DPH6: variants seen among roughly 807,000 people sequenced by gnomAD.
DPH6 encodes diphthine--ammonia ligase.
In DPH6, 33 loss-of-function variants were observed where a neutral mutation model predicts 38.2. The observed-to-expected ratio is 0.86, with a 90% CI of 0.65 to 1.15. The LOEUF (loss-of-function observed/expected upper bound fraction) is 1.15. Ranked by LOEUF, DPH6 falls within the 50% of genes most tolerant of loss-of-function variation. DPH6 has a pLI of 0.00. For synonymous variants in DPH6, 108 were observed against 103.0 expected (o/e 1.05, Z -0.30); for missense variants, 325 against 320.0 (o/e 1.02, Z -0.12).
intron 3 of DPH6, among the ~76,000 whole-genome samples, chr15:35,224,100 GTTTTTTTTTT>G (rs142813866): frequency 7.9e-5 from 7 of 88,890 alleles, no homozygotes; most frequent in African/African-American, 2.8e-4. Flanking sequence ...CATGATTTTA[GTTTTTTTTTT>G]TTTTTTTTTT....
chr15:35,192,926 T>A, the DPH6 span, among the ~76,000 whole-genome samples: 2 of 152,122 alleles, frequency 1.3e-5, no homozygotes, highest in African/African-American at 4.8e-5. Flanking sequence ...AAACTGCCAA[T>A]CTTGGAAGGG....
intron 3 of DPH6, among the ~76,000 whole-genome samples, chr15:35,321,950 G>C (rs1028236307): frequency 1.3e-5 from 2 of 152,096 alleles, no homozygotes; most frequent in Non-Finnish European, 2.9e-5. Context: ...CAGGGGTTAG[G>C]GTTTTTATGG....
In DPH6 at chr15:35,454,797, T is replaced by C. The variant is rs751794681; in HGVS notation, c.336A>G (p.Ile112Met). ...AGTCAGAAAGTATAGCACCTACTGA[T>C]ATCCCCTCTACTTCTTCTTTTTCCT... ...LVKEKEEVEG[I>M]SVGAILSDYQ... is the part of the protein sequence containing the mutation. The change falls in exon 4 of 9, where the codon ATA (isoleucine) becomes ATG (methionine). Residue 112 changes from isoleucine to methionine, a missense_variant. Transcript: ENST00000256538. The C allele has an allele frequency of 5.0e-6, 8 of 1,607,102 alleles. No individual in the cohort carries two copies. Among genetic ancestry groups the C allele is most frequent in the Admixed American group, 1.7e-5 (1 of 58,922 alleles).
chr15:35,493,290 G>T (rs1204973673), intron 3 of DPH6, among the ~76,000 whole-genome samples: 2 of 152,076 alleles, frequency 1.3e-5, no homozygotes, highest in African/African-American at 2.4e-5. Context: ...ACCCACAAAA[G>T]AATTATACTT....
the DPH6 span, among the ~76,000 whole-genome samples, chr15:35,146,194 C>T: frequency 4.6e-5 from 7 of 151,566 alleles, no homozygotes; most frequent in Middle Eastern, 3.4e-3. Flanking sequence ...TTGAAAGTAA[C>T]GTTACTTTTA....
chr15:35,364,776 T>C (rs1447767227), intron 3 of DPH6, among the ~76,000 whole-genome samples: 1 of 152,034 alleles, frequency 6.6e-6, no homozygotes, highest in Non-Finnish European at 1.5e-5. Flanking sequence ...TGTTTGGGGT[T>C]CATAAGACTT....
the DPH6 span, among the ~76,000 whole-genome samples, chr15:35,166,954 G>A: frequency 6.7e-4 from 102 of 152,100 alleles, no homozygotes; most frequent in African/African-American, 2.3e-3. Context: ...GGAAGGCTCT[G>A]ATTAAAGAAG....
intron 3 of DPH6, among the ~76,000 whole-genome samples, chr15:35,463,378 T>TG (rs5811857): frequency 2.0e-3 from 14 of 7,008 alleles, no homozygotes; most frequent in African/African-American, 7.3e-3. Flanking sequence ...GTGCACAAGT[T>TG]ATATAAATAT....
intron 3 of DPH6, among the ~76,000 whole-genome samples, chr15:35,247,925 C>G (rs2051647148): frequency 1.3e-5 from 2 of 152,196 alleles, no homozygotes; most frequent in East Asian, 3.9e-4. Flanking sequence ...AGCCTGGAAC[C>G]CTGATTAACT....
Position 35,516,905 on chromosome 15 carries a change from T to A in DPH6, c.312+21369A>T, listed in dbSNP as rs746337083. ...ATTTGTAAGCAGTACTACTACTGAC[T>A]CCTCCCAAATTTTGCTTGTGGTTCC... On this transcript the variant is annotated intron_variant, in intron 3 of 8. Transcript: ENST00000256538. Among the ~76,000 whole-genome samples the A allele has an allele frequency of 2.6e-4, 39 of 152,140 alleles. 1 individual carries two copies. The highest frequency in any genetic ancestry group is 1.0e-4 in the Non-Finnish European group (7 of 68,002).
chr15:35,311,452 TTC>T (rs1422189197), intron 3 of DPH6, among the ~76,000 whole-genome samples: 4 of 152,166 alleles, frequency 2.6e-5, no homozygotes, highest in African/African-American at 4.8e-5. Context: ...ACAAAAAAAT[TTC>T]TGTCTTCAAA....
At chr15:35,421,625 T>C (rs1290307626) in intron 5 of DPH6, among the ~76,000 whole-genome samples, 1 of 152,170 alleles carries the variant, frequency 6.6e-6, no homozygotes, top group East Asian at 1.9e-4. Context: ...ATCTTTCTTA[T>C]CAGTTTTCAA....
chr15:35,426,296 A>C (rs2053570408), intron 5 of DPH6, among the ~76,000 whole-genome samples: 1 of 151,796 alleles, frequency 6.6e-6, no homozygotes, highest in African/African-American at 2.4e-5. Context: ...AAGCACATTA[A>C]GTAACCTTTT....
At chr15:35,456,906 A>G (rs1273997642) in intron 3 of DPH6, among the ~76,000 whole-genome samples, 2 of 152,112 alleles carry the variant, frequency 1.3e-5, no homozygotes, top group African/African-American at 2.4e-5. Flanking sequence ...GTATACATGC[A>G]TTCTCTGGAA....
Position 35,240,736 on chromosome 15 carries a change from C to CGTTCGT in DPH6, n.201-20155_201-20154insACGAAC, listed in dbSNP as rs566515087. On this transcript the variant is annotated intron_variant and non_coding_transcript_variant, in intron 3 of 3. Coordinates refer to the DPH6 transcript ENST00000560386. ...AGTTCATGGCTCGTTCGGCAGCAGC[C>CGTTCGT]CTGAGACGCTTTACAGCCCTAGACC... is the stretch of plus-strand genomic sequence containing the variant. 3.8e-3 allele frequency among the ~76,000 whole-genome samples: 552 copies of CGTTCGT among 143,918 alleles called. 47 individuals carry two copies. Among genetic ancestry groups the CGTTCGT allele is most frequent in the African/African-American group, 0.013 (526 of 39,768 alleles). The allele number at this position is 143,918 out of a possible 152,430, so 94.4% of individuals were successfully genotyped here.
At chr15:35,310,463 C>A (rs1156242244) in intron 3 of DPH6, among the ~76,000 whole-genome samples, 2 of 151,960 alleles carry the variant, frequency 1.3e-5, no homozygotes, top group South Asian at 4.2e-4. Context: ...TCACTTTTGG[C>A]AGGTCACAAA....
chr15:35,403,511 CTTTATT>C (rs1294173350), intron 6 of DPH6, among the ~76,000 whole-genome samples: 1 of 151,810 alleles, frequency 6.6e-6, no homozygotes, highest in African/African-American at 2.4e-5. Flanking sequence ...TTCATCCTTT[CTTTATT>C]TTTATTTTTT....
the DPH6 span, among the ~76,000 whole-genome samples, chr15:35,198,933 G>C: frequency 2.7e-5 from 4 of 149,332 alleles, no homozygotes; most frequent in African/African-American, 9.9e-5. Flanking sequence ...TTTTTTTTTA[G>C]AGATGGAGTT....
intron 3 of DPH6, chr15:35,520,659 G>C: frequency 1.0e-6 from 1 of 984,700 alleles, no homozygotes; most frequent in Non-Finnish European, 1.2e-6. Flanking sequence ...TCTCATTTTG[G>C]TAATTTGAAA....
Sources: allele counts gnomAD v4.1 joint callset (sites outside exome capture counted in the v4.1 genomes callset), GRCh38; gene constraint gnomAD v4.1.1; transcripts MANE v1.5; gene names NCBI Gene and HGNC (gene_info 2026-07-23, HGNC 2026-07-21).